CHUK: variants seen among roughly 807,000 people sequenced by gnomAD.
CHUK encodes component of inhibitor of nuclear factor kappa B kinase complex, also known as inhibitor of nuclear factor kappa-B kinase subunit alpha.
In CHUK, 35 loss-of-function variants were observed where a neutral mutation model predicts 104.8. That is an observed-to-expected ratio of 0.33 (90% CI 0.26 to 0.44). The LOEUF is 0.44. CHUK is among the 20% of genes least tolerant of loss of function. The pLI is 1.00. For missense variants in CHUK, 663 were observed against 902.7 expected, an observed-to-expected ratio of 0.73 and a Z score of 3.40; for synonymous variants, 276 against 291.9, an observed-to-expected ratio of 0.95 and a Z score of 0.56.
intron 16 of CHUK, among the ~76,000 whole-genome samples, chr10:100,197,458 C>A (rs6584350): frequency 0.21 from 31,886 of 151,976 alleles, 6,180 homozygotes; most frequent in African/African-American, 0.52. Context: ...GTCTCAGGAC[C>A]CCTTTACACT....
chr10:100,204,240 T>C (rs1317677570), intron 13 of CHUK, among the ~76,000 whole-genome samples: 1 of 152,208 alleles, frequency 6.6e-6, no homozygotes, highest in Non-Finnish European at 1.5e-5. Flanking sequence ...TAAAATCAGG[T>C]TTGAAATTCA....
At chr10:100,212,590 T>C (rs1053096947) in intron 9 of CHUK, among the ~76,000 whole-genome samples, 4 of 152,174 alleles carry the variant, frequency 2.6e-5, no homozygotes, top group South Asian at 4.1e-4. Context: ...AATCCATGGG[T>C]TGGGTTGCTT....
chr10:100,224,086 A>T (rs1373706968), intron 2 of CHUK, among the ~76,000 whole-genome samples: 5 of 148,214 alleles, frequency 3.4e-5, no homozygotes, highest in Non-Finnish European at 4.5e-5. Flanking sequence ...TCGCTCGTTC[A>T]CTCTCTCTCT....
chr10:100,207,724 C>A (rs1845621785), intron 10 of CHUK, among the ~76,000 whole-genome samples: 2 of 152,180 alleles, frequency 1.3e-5, no homozygotes, highest in Middle Eastern at 6.8e-3. Flanking sequence ...TCAGAAAAGG[C>A]AAACTTGTGG....
intron 13 of CHUK, among the ~76,000 whole-genome samples, chr10:100,204,021 G>A (rs1328172391): frequency 2.6e-5 from 4 of 152,182 alleles, no homozygotes; most frequent in Non-Finnish European, 5.9e-5. Flanking sequence ...GTCCTCACAT[G>A]CAGAAGGGAT....
intron 2 of CHUK, among the ~76,000 whole-genome samples, chr10:100,224,117 A>G (rs961561230): frequency 2.7e-5 from 4 of 147,502 alleles, no homozygotes; most frequent in Non-Finnish European, 4.5e-5. Flanking sequence ...CTCTCAGATC[A>G]CTCACTCTTT....
rs748611995 is a variant in CHUK at position 100,190,872 on chromosome 10, C to G, written c.2205G>C (p.Met735Ile). Reference protein sequence around the residue: ...HEANEEQGNSMMNLDWSWLTE With the variant: ...HEANEEQGNSIMNLDWSWLTE ...CCCATATCCACACAAAACTTACCATCATACTATTGCCCTGTTCCTCATTTG... is the reference window on the plus strand; with the variant it reads ...CCCATATCCACACAAAACTTACCATGATACTATTGCCCTGTTCCTCATTTG... The change falls in exon 20 of 21, where the codon ATG (methionine) becomes ATC (isoleucine). Residue 735 changes from methionine to isoleucine, a missense_variant. Physicochemically the swap from Met to Ile is conservative, Grantham distance 10. Transcript: ENST00000370397. The G allele has an allele frequency of 3.1e-6, 5 of 1,588,192 alleles. No individual in the cohort carries two copies. The highest frequency in any genetic ancestry group is 4.3e-6 in the Non-Finnish European group (5 of 1,156,352).
chr10:100,195,345 G>T (rs896303966), intron 16 of CHUK: 7 of 152,180 alleles, frequency 4.6e-5, no homozygotes, highest in Non-Finnish European at 8.8e-5. Context: ...CATGTGAGAA[G>T]ACTACTTTTG....
chr10:100,203,251 T>A (rs1221073310), intron 13 of CHUK, among the ~76,000 whole-genome samples: 1 of 152,114 alleles, frequency 6.6e-6, no homozygotes, highest in Non-Finnish European at 1.5e-5. Context: ...TTTCCCACAA[T>A]TTAAAACTGT....
At chr10:100,214,086 A>G (rs1845798331) in intron 9 of CHUK, among the ~76,000 whole-genome samples, 2 of 152,204 alleles carry the variant, frequency 1.3e-5, no homozygotes, top group Non-Finnish European at 2.9e-5. Context: ...ACTTATAGCA[A>G]TAGAAAATCC....
intron 16 of CHUK, 49 bp from the exon 17 acceptor site, chr10:100,194,570 C>T: frequency 7.9e-7 from 1 of 1,261,580 alleles, no homozygotes; most frequent in South Asian, 1.2e-5. Context: ...TGTAACATAT[C>T]AGCCTCCAAA....
intron 2 of CHUK, among the ~76,000 whole-genome samples, chr10:100,224,142 T>C (rs905465204): frequency 3.3e-5 from 5 of 152,306 alleles, no homozygotes; most frequent in South Asian, 2.1e-4. Context: ...GGAAAAGATC[T>C]TTCTGGGGAA....
intron 9 of CHUK, among the ~76,000 whole-genome samples, 189 bp downstream of exon 9, chr10:100,217,806 G>C (rs1845892930): frequency 6.6e-6 from 1 of 152,220 alleles, no homozygotes; most frequent in Non-Finnish European, 1.5e-5. Flanking sequence ...GAACCTGGGA[G>C]GCGCAGGTTG....
chr10:100,226,084 G>A, intron 1 of CHUK, 67 bp from the exon 2 acceptor site: 2 of 945,782 alleles, frequency 2.1e-6, no homozygotes, highest in Non-Finnish European at 3.5e-6. Flanking sequence ...TGCTACCAAA[G>A]AAATAACTTA....
chr10:100,190,031 T>C (rs991856387), intron 20 of CHUK: 4 of 163,178 alleles, frequency 2.5e-5, no homozygotes, highest in Admixed American at 6.2e-5. Context: ...TTTTTTTTTT[T>C]TTTTTTCCCC....
At chr10:100,216,009 T>C (rs757677518) in intron 9 of CHUK, among the ~76,000 whole-genome samples, 1 of 152,214 alleles carries the variant, frequency 6.6e-6, no homozygotes, top group Non-Finnish European at 1.5e-5. Context: ...ATAATATTGA[T>C]GCTTTGAGGA....
At chr10:100,220,812 A>C in intron 4 of CHUK, 136 bp from the exon 5 acceptor site, 1 of 629,858 alleles carries the variant, frequency 1.6e-6, no homozygotes, top group South Asian at 1.8e-5. Flanking sequence ...CTAATACTAC[A>C]GTGTCCAGGT....
rs372465334 is a variant in CHUK, at chr10:100,220,599, C to T, written c.463G>A (p.Val155Ile). 5 of 1,608,572 alleles carry T rather than the reference C, an allele frequency of 3.1e-6. No homozygotes were observed. In the African/African-American group the frequency reaches 5.3e-5, roughly 17 times the overall value. Residue 155 changes from valine to isoleucine, a missense_variant, in exon 5 of 21, where the codon GTT (valine) becomes ATT (isoleucine). Physicochemically the swap from Val to Ile is conservative, Grantham distance 29 (BLOSUM62 3). Coordinates refer to ENST00000370397, the MANE Select transcript of CHUK (RefSeq NM_001278.5). The stretch of plus-strand genomic sequence containing the variant: ...CAGGTTTCACCTACCTTTCCACCAA[C>T]ATCCTGAAGAACTATGTTTTCAGGT... The part of the protein sequence containing the change: ...LKPENIVLQD[V>I]GGKIIHKIID...
At chr10:100,212,048 A>G (rs895856871) in intron 9 of CHUK, among the ~76,000 whole-genome samples, 5 of 152,028 alleles carry the variant, frequency 3.3e-5, no homozygotes, top group Non-Finnish European at 7.4e-5. Context: ...ATGCCCAGCT[A>G]ATTTTTGTAA....
Sources: allele counts gnomAD v4.1 joint callset (sites outside exome capture counted in the v4.1 genomes callset), GRCh38; gene constraint gnomAD v4.1.1; transcripts MANE v1.5; gene names NCBI Gene and HGNC (gene_info 2026-07-23, HGNC 2026-07-21).